Variants in KLF3 observed in about 807,000 individuals in gnomAD.
KLF3 encodes the protein KLF transcription factor 3.
Under a neutral mutation model 32.7 loss-of-function variants are expected in KLF3, and 6 were observed. The ratio of observed to expected loss-of-function variants is 0.18; its 90% confidence interval spans 0.10 to 0.36. KLF3 has a LOEUF of 0.36. Among genes scored for constraint, KLF3 ranks in the 10% least tolerant of loss-of-function variants. The probability of loss-of-function intolerance (pLI) is 1.00; values close to 1 mark genes in which losing one functional copy is unlikely to be tolerated. For synonymous variants in KLF3, 145 were observed against 172.8 expected, an observed-to-expected ratio of 0.84 and a Z score of 1.26; for missense variants, 338 against 449.7, an observed-to-expected ratio of 0.75 and a Z score of 2.25.
chr4:38,670,407 C>T (rs574458804), intron 1 of KLF3, among the ~76,000 whole-genome samples: 1 of 152,280 alleles, frequency 6.6e-6, no homozygotes, highest in African/African-American at 2.4e-5. Context: ...CAAATCTGGA[C>T]ATAAGAGATC....
At chr4:38,693,350 TA>T (rs3839135) in intron 4 of KLF3, among the ~76,000 whole-genome samples, 11,774 of 147,462 alleles carry the variant, frequency 0.08, 510 homozygotes, top group East Asian at 0.09. Context: ...ATGTTTTTTT[TA>T]AAAAAAAAAA....
intron 4 of KLF3, 147 bp downstream of exon 4, chr4:38,690,026 G>A: frequency 1.6e-6 from 1 of 627,606 alleles, no homozygotes; most frequent in Non-Finnish European, 2.7e-6. Flanking sequence ...CAGTACCACT[G>A]GTCAAGATGG....
intron 5 of KLF3, among the ~76,000 whole-genome samples, chr4:38,696,441 T>G (rs1331084043): frequency 1.3e-5 from 2 of 152,166 alleles, no homozygotes; most frequent in Non-Finnish European, 1.5e-5. Context: ...CCCATCATTT[T>G]CTCACAAGGA....
chr4:38,680,942 C>G (rs1011140269), intron 2 of KLF3: 1 of 308,552 alleles, frequency 3.2e-6, no homozygotes, highest in Admixed American at 4.0e-5. Flanking sequence ...CCCAGCTACT[C>G]GGGAGGCTGA....
chr4:38,691,579 T>A (rs915162610), intron 4 of KLF3, among the ~76,000 whole-genome samples: 2 of 152,214 alleles, frequency 1.3e-5, no homozygotes, highest in African/African-American at 4.8e-5. Context: ...ATAAGAAGAT[T>A]TGAAGGCAAT....
rs1723173944 is a variant in KLF3 at position 38,700,733 on chromosome 4, TA to T, written c.*3471del. The T allele has an allele frequency of 1.3e-5, 2 of 152,242 alleles. No individual in the cohort carries two copies. Among genetic ancestry groups the T allele is most frequent in the Admixed American group, 6.5e-5 (1 of 15,288 alleles). The allele number at this position is 152,242 out of a possible 1,614,324, so 9.4% of individuals were successfully genotyped here. On this transcript the variant is annotated 3_prime_UTR_variant, in exon 6 of 6. Transcript: ENST00000261438. ...TACATTTACAGTACTTTAATACTTG[TA>T]TAAACTATGCAGAAATTTTTAATAA...
intron 4 of KLF3, 26 bp from the exon 5 acceptor site, chr4:38,694,720 T>C: frequency 1.9e-5 from 29 of 1,538,136 alleles, no homozygotes; most frequent in Non-Finnish European, 2.4e-5. Context: ...CTCTCAACAT[T>C]TGGCCTGTAA....
At chr4:38,682,339 A>T (rs887754313) in intron 2 of KLF3, among the ~76,000 whole-genome samples, 2 of 152,200 alleles carry the variant, frequency 1.3e-5, no homozygotes, top group Non-Finnish European at 2.9e-5. Context: ...GATTACAGGC[A>T]TGAGCCACCG....
chr4:38,678,654 G>A (rs1649983695), intron 1 of KLF3, among the ~76,000 whole-genome samples: 2 of 152,136 alleles, frequency 1.3e-5, no homozygotes, highest in South Asian at 4.1e-4. Context: ...CATTGTATAT[G>A]AAGATATCTT....
At chr4:38,684,550 T>G (rs1316469174) in intron 2 of KLF3, among the ~76,000 whole-genome samples, 1 of 150,028 alleles carries the variant, frequency 6.7e-6, no homozygotes, top group Non-Finnish European at 1.5e-5. Flanking sequence ...TGTTTTTTTT[T>G]TTTTTTTTTT....
chr4:38,689,121 G>A (rs373468429), intron 3 of KLF3, 50 bp downstream of exon 3: 19 of 1,595,054 alleles, frequency 1.2e-5, no homozygotes, highest in South Asian at 2.3e-5. Context: ...GCGTACTGGC[G>A]CTTCACCAGA....
At chr4:38,677,064 G>A (rs192563575) in intron 1 of KLF3, among the ~76,000 whole-genome samples, 264 of 150,690 alleles carry the variant, frequency 1.8e-3, no homozygotes, top group African/African-American at 6.2e-3. Context: ...GGGTTCAAGC[G>A]ATTATACTGC....
At position 38,698,987 on chromosome 4, in the gene KLF3, T is replaced by C. The variant is rs528158116; in HGVS notation, c.*1724T>C. On this transcript the variant is annotated 3_prime_UTR_variant, in exon 6 of 6. Transcript: ENST00000261438. ...TTTTAAAACATCTGTGAATGAGTGATTCCGGAGGCCTGTGAATTGTGTGGG... is the reference window on the plus strand; with the variant it reads ...TTTTAAAACATCTGTGAATGAGTGACTCCGGAGGCCTGTGAATTGTGTGGG... The C allele has an allele frequency of 1.3e-4, 20 of 152,328 alleles. No individual in the cohort carries two copies. Among genetic ancestry groups the C allele is most frequent in the African/African-American group, 4.6e-4 (19 of 41,572 alleles). The allele number at this position is 152,328 out of a possible 1,614,324, so 9.4% of individuals were successfully genotyped here.
In KLF3 at chr4:38,680,612, GT is replaced by G. The variant is rs1206888570; in HGVS notation, c.-11del. On this transcript the variant is annotated 5_prime_UTR_variant, in exon 2 of 6. Transcript: ENST00000261438. ...GCCAAACACCAGAGCACCCTAGAAG[GT>G]TTAACTAAAAGAATGCTCATGTTTG... is the stretch of plus-strand genomic sequence containing the variant. 6.2e-7 allele frequency: 1 copy of G among 1,609,432 alleles called. No homozygotes were observed. Among genetic ancestry groups the G allele is most frequent in the South Asian group, 1.1e-5 (1 of 90,988 alleles).
At chr4:38,680,283 G>A (rs569213343) in intron 1 of KLF3, among the ~76,000 whole-genome samples, 1 of 151,766 alleles carries the variant, frequency 6.6e-6, no homozygotes, top group South Asian at 2.1e-4. Context: ...GTGCCATTTC[G>A]GCTCACTGCA....
intron 5 of KLF3, among the ~76,000 whole-genome samples, chr4:38,696,187 A>G (rs771785856): frequency 1.2e-3 from 23 of 19,924 alleles, no homozygotes; most frequent in African/African-American, 4.6e-3. Context: ...TAGATGTAGG[A>G]AAAAAAAAAA....
chr4:38,682,270 G>A (rs946259723), intron 2 of KLF3, among the ~76,000 whole-genome samples: 2 of 152,210 alleles, frequency 1.3e-5, no homozygotes, highest in African/African-American at 2.4e-5. Flanking sequence ...TGTTGGCCAG[G>A]CTGGTCTTGA....
intron 2 of KLF3, among the ~76,000 whole-genome samples, chr4:38,686,220 A>G (rs938078742): frequency 6.6e-6 from 1 of 152,038 alleles, no homozygotes; most frequent in Non-Finnish European, 1.5e-5. Context: ...TGAGGCAGGC[A>G]GATCACTTGA....
chr4:38,681,993 A>T (rs1722540830), intron 2 of KLF3, among the ~76,000 whole-genome samples: 1 of 152,254 alleles, frequency 6.6e-6, no homozygotes, highest in Non-Finnish European at 1.5e-5. Context: ...ACATTCCAGC[A>T]TGATAACTGA....
Sources: gnomAD v4.1 joint callset for allele counts (sites outside exome capture counted in the v4.1 genomes callset) on GRCh38, gnomAD v4.1.1 for gene constraint, MANE v1.5 for transcripts, NCBI Gene and HGNC (gene_info 2026-07-23, HGNC 2026-07-21) for gene names.